The following PKHD1 variants were observed in gnomAD, a reference collection of about 807,000 sequenced individuals.
PKHD1 encodes PKHD1 ciliary IPT domain containing fibrocystin/polyductin, also known as fibrocystin.
A neutral mutation model predicts 412.0 loss-of-function variants in PKHD1; 291 were observed. The ratio of observed to expected loss-of-function variants is 0.71; its 90% CI spans 0.64 to 0.78. The LOEUF (loss-of-function observed/expected upper bound fraction) is 0.78. PKHD1 is among the 30% of genes least tolerant of loss of function. The probability of loss-of-function intolerance (pLI) is 0.00; values close to 1 mark genes in which losing one functional copy is unlikely to be tolerated. For missense variants in PKHD1, 4,825 were observed against 4,950.7 expected (o/e 0.97, Z 0.76); for synonymous variants, 1,777 against 1,821.5 (o/e 0.98, Z 0.62).
intron 63 of PKHD1, among the ~76,000 whole-genome samples, chr6:51,645,622 G>A (rs1409392950): frequency 3.9e-5 from 6 of 152,244 alleles, no homozygotes; most frequent in South Asian, 2.1e-4. Context: ...TCAAATGCCT[G>A]ACCTCAAGTG....
chr6:51,724,001 T>C (rs971574110), intron 60 of PKHD1, among the ~76,000 whole-genome samples: 1 of 152,170 alleles, frequency 6.6e-6, no homozygotes, highest in African/African-American at 2.4e-5. Context: ...GAAGAAACCT[T>C]CTTCCAAAAG....
chr6:51,643,050 A>G (rs1312624095), intron 63 of PKHD1, among the ~76,000 whole-genome samples: 2 of 152,176 alleles, frequency 1.3e-5, no homozygotes, highest in Admixed American at 6.5e-5. Context: ...TATTACCAGA[A>G]CATGAAAAAA....
chr6:51,738,727 A>G (rs1784175226), intron 60 of PKHD1, among the ~76,000 whole-genome samples: 1 of 152,104 alleles, frequency 6.6e-6, no homozygotes, highest in Admixed American at 6.5e-5. Flanking sequence ...TTCTCTCAAA[A>G]ACTGCACACA....
In PKHD1 at chr6:51,694,548, C is replaced by CTTTT. The variant is rs67157925; in HGVS notation, c.10157-34583_10157-34580dup. 1.2e-3 allele frequency among the ~76,000 whole-genome samples: 46 copies of CTTTT among 37,706 alleles called. 13 individuals carry two copies. The highest frequency in any genetic ancestry group is 1.6e-3 in the Admixed American group (3 of 1,836). 24.7% of individuals were successfully genotyped at this position (37,706 alleles called of 152,430 possible). Reference sequence around the variant, plus strand: ...ACAGGTGCCCGCCACCACAACCAGCCTTTTTTTTTTTTTTTTTTTTTTTTT... The same window carrying CTTTT: ...ACAGGTGCCCGCCACCACAACCAGCCTTTTTTTTTTTTTTTTTTTTTTTTTTTTT... On this transcript the variant is annotated intron_variant, in intron 60 of 66. Transcript: ENST00000371117.
intron 37 of PKHD1, 106 bp downstream of exon 37, chr6:51,934,004 C>A: frequency 1.2e-6 from 1 of 814,664 alleles, no homozygotes; most frequent in Non-Finnish European, 2.1e-6. Context: ...CTCTAACTGA[C>A]CTGGTTGGCT....
chr6:51,628,279 C>T (rs1287820270), intron 65 of PKHD1, among the ~76,000 whole-genome samples: 1 of 152,094 alleles, frequency 6.6e-6, no homozygotes, highest in Non-Finnish European at 1.5e-5. Flanking sequence ...CTCTTTGTGT[C>T]CATGTGAACC....
intron 35 of PKHD1, among the ~76,000 whole-genome samples, chr6:51,990,883 GCAA>G (rs1462582000): frequency 6.6e-6 from 1 of 152,104 alleles, no homozygotes; most frequent in Non-Finnish European, 1.5e-5. Context: ...AGGGCCTAGG[GCAA>G]GTCTCCTAAC....
chr6:51,857,253 C>T (rs2151697013), intron 48 of PKHD1, among the ~76,000 whole-genome samples: 1 of 152,264 alleles, frequency 6.6e-6, no homozygotes, highest in South Asian at 2.1e-4. Flanking sequence ...TGTTCTTCCT[C>T]CTTTGGTTTA....
chr6:51,646,602 C>A (rs1770116562), intron 63 of PKHD1, among the ~76,000 whole-genome samples: 1 of 152,164 alleles, frequency 6.6e-6, no homozygotes. Flanking sequence ...GTTGTACTTA[C>A]CTTTTCATGT....
intron 52 of PKHD1, among the ~76,000 whole-genome samples, chr6:51,824,031 C>T (rs555099499): frequency 4.6e-5 from 7 of 152,226 alleles, no homozygotes; most frequent in South Asian, 2.1e-4. Flanking sequence ...TAAAATTTCA[C>T]TCAGCTTTGG....
At chr6:51,634,572 T>C (rs1267837073) in intron 64 of PKHD1, among the ~76,000 whole-genome samples, 2 of 152,198 alleles carry the variant, frequency 1.3e-5, no homozygotes, top group African/African-American at 4.8e-5. Flanking sequence ...ATTTACAAGC[T>C]AGTAAATAAG....
intron 4 of PKHD1, among the ~76,000 whole-genome samples, chr6:52,081,810 T>C (rs1298311666): frequency 2.0e-5 from 3 of 152,204 alleles, no homozygotes; most frequent in African/African-American, 4.8e-5. Context: ...CAGTGTTTTT[T>C]TTCTCTTAAC....
rs774865280 is a variant in PKHD1 at position 52,026,082 on chromosome 6, G to T, written c.3728C>A (p.Thr1243Lys). The stretch of plus-strand genomic sequence containing the variant: ...GGTTTCACACCAGATGCTCGCCTCC[G>T]TTAAGTTCACAATGTCACAGGACCG... Reference protein sequence around the residue: ...GNRSCDIVNLTEASIWCETLP... With the variant: ...GNRSCDIVNLKEASIWCETLP... The change falls in exon 32 of 67, where the codon ACG becomes AAG. Residue 1243 changes from threonine (T) to lysine (K), a missense_variant. Thr to Lys is a moderately conservative substitution (Grantham distance 78). Transcript: ENST00000371117. 35 of 1,614,010 alleles carry T rather than the reference G, an allele frequency of 2.2e-5. No individual in the cohort carries two copies. The highest frequency in any genetic ancestry group is 2.8e-5 in the Non-Finnish European group (33 of 1,180,026).
intron 60 of PKHD1, among the ~76,000 whole-genome samples, chr6:51,732,638 A>G (rs1290667121): frequency 6.6e-6 from 1 of 152,214 alleles, no homozygotes; most frequent in Non-Finnish European, 1.5e-5. Context: ...AAAGTAGAAA[A>G]TTTCAAGTGT....
At chr6:51,953,295 A>G (rs191885903) in intron 36 of PKHD1, among the ~76,000 whole-genome samples, 8 of 152,008 alleles carry the variant, frequency 5.3e-5, no homozygotes, top group African/African-American at 1.9e-4. Context: ...ACAGTTAGAG[A>G]AAAAAAACAA....
chr6:51,671,912 T>C (rs1016148160), intron 60 of PKHD1, among the ~76,000 whole-genome samples: 1 of 152,140 alleles, frequency 6.6e-6, no homozygotes, highest in East Asian at 1.9e-4. Context: ...CGTTCTCAGA[T>C]CTCCAGCTGC....
At chr6:52,000,697 C>T (rs894763819) in intron 35 of PKHD1, among the ~76,000 whole-genome samples, 3 of 152,110 alleles carry the variant, frequency 2.0e-5, no homozygotes, top group Admixed American at 1.3e-4. Context: ...ATAATGCAAA[C>T]TCCTATATGG....
At chr6:51,632,032 C>T (rs946070741) in intron 65 of PKHD1, among the ~76,000 whole-genome samples, 4 of 151,444 alleles carry the variant, frequency 2.6e-5, no homozygotes, top group African/African-American at 9.7e-5. Flanking sequence ...CCTCCACCAC[C>T]ATCTAGGTTC....
intron 55 of PKHD1, among the ~76,000 whole-genome samples, chr6:51,760,308 G>A (rs1192708496): frequency 2.0e-5 from 3 of 152,038 alleles, no homozygotes; most frequent in South Asian, 2.1e-4. Flanking sequence ...ATGTTCTGCT[G>A]TGCACTAGAC....
Sources: gnomAD v4.1 joint callset for allele counts (sites outside exome capture counted in the v4.1 genomes callset) on GRCh38, gnomAD v4.1.1 for gene constraint, MANE v1.5 for transcripts, NCBI Gene and HGNC (gene_info 2026-07-23, HGNC 2026-07-21) for gene names.